The following CEMIP variants were observed in gnomAD, a reference collection of about 807,000 sequenced individuals.
CEMIP encodes cell migration-inducing and hyaluronan-binding protein.
CEMIP carries 105 observed loss-of-function variants against 156.9 expected under a neutral mutation model. That is an observed-to-expected ratio of 0.67 (90% confidence interval 0.57 to 0.79). The LOEUF (loss-of-function observed/expected upper bound fraction) is 0.79. Among genes scored for constraint, CEMIP ranks in the 30% least tolerant of loss-of-function variants. The pLI, the probability that CEMIP is intolerant of heterozygous loss-of-function variation, is 0.00. For missense variants in CEMIP, 1,457 were observed against 1,769.4 expected, an observed-to-expected ratio of 0.82 and a Z score of 3.17; for synonymous variants, 676 against 668.4, an observed-to-expected ratio of 1.01 and a Z score of -0.17.
chr15:80,894,956 C>T (rs553989518), intron 10 of CEMIP, 34 bp from the exon 11 acceptor site: 13 of 1,607,036 alleles, frequency 8.1e-6, no homozygotes, highest in African/African-American at 4.0e-5. Flanking sequence ...AAAAAAAAAA[C>T]GACTTTGCTC....
At chr15:80,904,098 G>A (rs150391123) in intron 12 of CEMIP, among the ~76,000 whole-genome samples, 83 of 152,302 alleles carry the variant, frequency 5.4e-4, no homozygotes, top group African/African-American at 1.8e-3. Flanking sequence ...CAGCTTCCAC[G>A]TGTGGTGTCC....
intron 14 of CEMIP, among the ~76,000 whole-genome samples, chr15:80,919,583 G>A (rs1040660594): frequency 1.3e-5 from 2 of 152,176 alleles, no homozygotes; most frequent in African/African-American, 2.4e-5. Context: ...GGAGCCCAAG[G>A]CGGGCGGATC....
intron 5 of CEMIP, among the ~76,000 whole-genome samples, chr15:80,880,110 A>G (rs1898598298): frequency 6.6e-6 from 1 of 152,196 alleles, no homozygotes; most frequent in Non-Finnish European, 1.5e-5. Flanking sequence ...CCACCTTCCA[A>G]TCATGTCATG....
chr15:80,900,589 T>G (rs1183957291), intron 12 of CEMIP, among the ~76,000 whole-genome samples: 14 of 65,044 alleles, frequency 2.2e-4, no homozygotes, highest in African/African-American at 4.4e-4. Flanking sequence ...GGTAGGGGTG[T>G]GTGTGTGTGT....
In CEMIP at chr15:80,889,457, T is replaced by C; in HGVS notation, c.965-14T>C. ...CAACCTCCTGTCTGACTGTGCTGTT[T>C]GCTTTCTGCCTAGACGTGGAGTGGA... On this transcript the variant is annotated splice_polypyrimidine_tract_variant and intron_variant, in intron 9 of 29. Transcript: ENST00000394685. 1 of 1,614,004 alleles carries C rather than the reference T, an allele frequency of 6.2e-7. No individual in the cohort carries two copies. The highest frequency in any genetic ancestry group is 1.3e-5 in the African/African-American group (1 of 75,058).
chr15:80,942,927 A>G lies in CEMIP; in HGVS notation c.3700-18A>G, dbSNP rs550408228. 6 of 1,614,176 alleles carry G rather than the reference A, an allele frequency of 3.7e-6. No individual in the cohort carries two copies. The African/African-American group carries it at 8.0e-5, about 22-fold the overall frequency. On this transcript the variant is annotated intron_variant, in intron 27 of 29. Transcript: ENST00000394685. Reference sequence around the variant, plus strand: ...CCTTGGCACCCTGCCTCACACCTGGATTGCTCTGGCTCTGTAGGTGGATGG... The same window carrying G: ...CCTTGGCACCCTGCCTCACACCTGGGTTGCTCTGGCTCTGTAGGTGGATGG...
In CEMIP at chr15:80,949,147, C is replaced by T; in HGVS notation, c.*223C>T. The T allele has an allele frequency of 1.6e-6, 1 of 608,132 alleles. No individual in the cohort carries two copies. Among genetic ancestry groups the T allele is most frequent in the Non-Finnish European group, 2.9e-6 (1 of 342,378 alleles). The allele number at this position is 608,132 out of a possible 1,614,324, so 37.7% of individuals were successfully genotyped here. On this transcript the variant is annotated 3_prime_UTR_variant, in exon 30 of 30. Transcript: ENST00000394685. ...GCCCCTGGGGCGGTGCTGGCCAATGCTGGAAACATTCACTTTCCTGCAGCC... is the reference window on the plus strand; with the variant it reads ...GCCCCTGGGGCGGTGCTGGCCAATGTTGGAAACATTCACTTTCCTGCAGCC...
chr15:80,836,789 G>T (rs1484586956), intron 1 of CEMIP, among the ~76,000 whole-genome samples: 2 of 152,124 alleles, frequency 1.3e-5, no homozygotes, highest in African/African-American at 4.8e-5. Context: ...TTATCCAACA[G>T]GGCATTCAGC....
At chr15:80,811,913 A>T (rs944152033) in intron 1 of CEMIP, among the ~76,000 whole-genome samples, 1 of 152,106 alleles carries the variant, frequency 6.6e-6, no homozygotes, top group African/African-American at 2.4e-5. Context: ...GCATAATTTG[A>T]CAGTTGCTTT....
chr15:80,869,854 GAGATTGAATGGGCTGCCAGAGGTCAC>G (rs1027546608), intron 1 of CEMIP, among the ~76,000 whole-genome samples: 30 of 152,186 alleles, frequency 2.0e-4, no homozygotes, highest in African/African-American at 7.0e-4. Flanking sequence ...AAGGCACAGA[GAGATTGAATGGGCTGCCAGAGGTCAC>G]ACAGCTGATG....
At chr15:80,905,707 A>G (rs2141885602) in intron 12 of CEMIP, among the ~76,000 whole-genome samples, 1 of 152,296 alleles carries the variant, frequency 6.6e-6, no homozygotes, top group South Asian at 2.1e-4. Context: ...AAGGATGGGA[A>G]GGTCTAGAGA....
chr15:80,882,775 C>T (rs1223500171), intron 6 of CEMIP, among the ~76,000 whole-genome samples: 1 of 151,992 alleles, frequency 6.6e-6, no homozygotes, highest in African/African-American at 2.4e-5. Flanking sequence ...CACACACACA[C>T]ACACACATAC....
At chr15:80,885,065 C>T (rs1368334229) in intron 7 of CEMIP, among the ~76,000 whole-genome samples, 2 of 152,210 alleles carry the variant, frequency 1.3e-5, no homozygotes, top group African/African-American at 4.8e-5. Flanking sequence ...GATCCTCTCC[C>T]TCCCTCTGCC....
At chr15:80,808,358 A>T (rs1012282289) in intron 1 of CEMIP, among the ~76,000 whole-genome samples, 1 of 152,120 alleles carries the variant, frequency 6.6e-6, no homozygotes, top group Non-Finnish European at 1.5e-5. Context: ...TCTGCCCCCC[A>T]CTGCCCCCAC....
chr15:80,797,601 A>T (rs1056329561), intron 1 of CEMIP, among the ~76,000 whole-genome samples: 3 of 152,180 alleles, frequency 2.0e-5, no homozygotes, highest in Non-Finnish European at 2.9e-5. Flanking sequence ...TGAAATATGA[A>T]CAAAAGTTGT....
chr15:80,928,856 G>A (rs750871724), intron 19 of CEMIP, 46 bp from the exon 20 acceptor site: 9 of 1,612,014 alleles, frequency 5.6e-6, no homozygotes, highest in Non-Finnish European at 7.6e-6. Context: ...TCCACTGAAT[G>A]TGAAGCCAGG....
Position 80,879,867 on chromosome 15 carries a change from C to T in CEMIP, c.380+13C>T, listed in dbSNP as rs773914129. 6.2e-7 allele frequency: 1 copy of T among 1,613,954 alleles called. No homozygotes were observed. The highest frequency in any genetic ancestry group is 8.5e-7 in the Non-Finnish European group (1 of 1,179,950). ...TTTTGTATGGAAGGTGCGTAGACCACTCCTACAGATCAAATGCTACCCATG... is the reference window on the plus strand; with the variant it reads ...TTTTGTATGGAAGGTGCGTAGACCATTCCTACAGATCAAATGCTACCCATG... On this transcript the variant is annotated intron_variant, in intron 5 of 29. Coordinates refer to ENST00000394685, the MANE Select transcript of CEMIP (RefSeq NM_001293298.2).
At chr15:80,875,687 G>A (rs763801317) in intron 3 of CEMIP, among the ~76,000 whole-genome samples, 3 of 152,110 alleles carry the variant, frequency 2.0e-5, no homozygotes, top group African/African-American at 7.2e-5. Context: ...CAAGTAGGTC[G>A]GGCTTGCACT....
At chr15:80,781,987 T>G (rs1895810308) in intron 1 of CEMIP, among the ~76,000 whole-genome samples, 1 of 152,002 alleles carries the variant, frequency 6.6e-6, no homozygotes, top group Admixed American at 6.6e-5. Context: ...GAGAACTTGT[T>G]GATGGAATTG....
Sources: gnomAD v4.1 joint callset for allele counts (sites outside exome capture counted in the v4.1 genomes callset) on GRCh38, gnomAD v4.1.1 for gene constraint, MANE v1.5 for transcripts, NCBI Gene and HGNC (gene_info 2026-07-23, HGNC 2026-07-21) for gene names.